Variants in LDB2 observed in about 807,000 individuals in gnomAD.
The protein encoded by LDB2 is LIM domain binding 2, also known as LIM domain-binding protein 2.
LDB2 carries 12 observed loss-of-function variants against 44.3 expected under a neutral mutation model. That is an observed-to-expected ratio of 0.27 (90% CI 0.17 to 0.44). LDB2 has a LOEUF of 0.44. LDB2 is among the 20% of genes least tolerant of loss of function. The pLI is 1.00. For synonymous variants in LDB2, 164 were observed against 174.8 expected, an observed-to-expected ratio of 0.94 and a Z score of 0.49; for missense variants, 344 against 473.5, an observed-to-expected ratio of 0.73 and a Z score of 2.54.
intron 1 of LDB2, among the ~76,000 whole-genome samples, chr4:16,803,088 C>T (rs1017248115): frequency 2.0e-5 from 3 of 152,156 alleles, no homozygotes; most frequent in Non-Finnish European, 4.4e-5. Flanking sequence ...TAATATTCTA[C>T]TGTAAAGACC....
chr4:16,723,579 C>T (rs1217025826), intron 2 of LDB2, among the ~76,000 whole-genome samples: 2 of 152,132 alleles, frequency 1.3e-5, no homozygotes, highest in Admixed American at 1.3e-4. Flanking sequence ...CTTCCTTGCC[C>T]TGCCACACAT....
intron 2 of LDB2, among the ~76,000 whole-genome samples, chr4:16,650,961 A>G (rs549628716): frequency 3.3e-4 from 50 of 152,364 alleles, no homozygotes; most frequent in Admixed American, 6.5e-4. Context: ...TCTATGGGTT[A>G]TCATGTGTGG....
At position 16,769,603 on chromosome 4, in the gene LDB2, A is replaced by AT. The variant is rs58284488; in HGVS notation, c.133-10344dup. Among the ~76,000 whole-genome samples the AT allele has an allele frequency of 9.6e-3, 1,319 of 136,884 alleles. 7 individuals carry two copies. The highest frequency in any genetic ancestry group is 0.024 in the Middle Eastern group (6 of 248). 89.8% of individuals were successfully genotyped at this position (136,884 alleles called of 152,430 possible). A position where few individuals can be genotyped will look rare whatever the true frequency, so the allele number is the denominator to read the frequency against. Reference sequence around the variant, plus strand: ...GAGCCACTGTGCCCAGCCCTATGGGATTTTTTTTTTTTTTTTCTTAAACAA... The same window carrying AT: ...GAGCCACTGTGCCCAGCCCTATGGGATTTTTTTTTTTTTTTTTCTTAAACAA... On this transcript the variant is annotated intron_variant, in intron 1 of 7. Coordinates refer to ENST00000304523, the MANE Select transcript of LDB2 (RefSeq NM_001290.5).
At chr4:16,808,153 G>A (rs1232751529) in intron 1 of LDB2, among the ~76,000 whole-genome samples, 1 of 152,136 alleles carries the variant, frequency 6.6e-6, no homozygotes, top group Non-Finnish European at 1.5e-5. Context: ...TAATCTTACA[G>A]TGGACGTCTC....
chr4:16,638,421 T>C (rs374281971), intron 2 of LDB2, among the ~76,000 whole-genome samples: 2 of 152,282 alleles, frequency 1.3e-5, no homozygotes, highest in African/African-American at 4.8e-5. Context: ...AACGTACGAA[T>C]AGAGCTTAGA....
chr4:16,742,916 C>A (rs554736914), intron 2 of LDB2, among the ~76,000 whole-genome samples: 1 of 152,292 alleles, frequency 6.6e-6, no homozygotes, highest in African/African-American at 2.4e-5. Flanking sequence ...TACTCATTGC[C>A]TCTGCCATGC....
At chr4:16,525,243 G>A (rs908664248) in intron 5 of LDB2, among the ~76,000 whole-genome samples, 1 of 152,186 alleles carries the variant, frequency 6.6e-6, no homozygotes, top group African/African-American at 2.4e-5. Flanking sequence ...ATCAGTGTGG[G>A]GATGTGGTCT....
chr4:16,654,091 T>C (rs962495740), intron 2 of LDB2, among the ~76,000 whole-genome samples: 2 of 152,188 alleles, frequency 1.3e-5, no homozygotes, highest in African/African-American at 2.4e-5. Flanking sequence ...ACAAGTTATA[T>C]TACCAAGGTC....
intron 2 of LDB2, among the ~76,000 whole-genome samples, chr4:16,738,074 T>C (rs1292748972): frequency 6.6e-6 from 1 of 152,196 alleles, no homozygotes; most frequent in African/African-American, 2.4e-5. Context: ...ACATTCTGTT[T>C]AGTAAATAAA....
intron 5 of LDB2, among the ~76,000 whole-genome samples, chr4:16,524,969 C>T (rs111729517): frequency 1.6e-3 from 241 of 152,324 alleles, no homozygotes; most frequent in African/African-American, 5.3e-3. Context: ...TATTTAAACA[C>T]TAACATTTAT....
intron 1 of LDB2, among the ~76,000 whole-genome samples, chr4:16,877,130 G>C (rs1256623232): frequency 1.3e-5 from 2 of 152,182 alleles, no homozygotes; most frequent in Admixed American, 1.3e-4. Flanking sequence ...ACTGGCAAGA[G>C]AGACAGGCCA....
intron 1 of LDB2, among the ~76,000 whole-genome samples, chr4:16,764,167 C>A (rs1244168482): frequency 6.6e-6 from 1 of 151,998 alleles, no homozygotes; most frequent in African/African-American, 2.4e-5. Context: ...GGTTGAAGAC[C>A]AAAAATGCTT....
intron 4 of LDB2, among the ~76,000 whole-genome samples, chr4:16,587,211 G>A (rs1047968147): frequency 5.3e-5 from 8 of 152,272 alleles, no homozygotes; most frequent in Non-Finnish European, 7.4e-5. Context: ...TGTGGCTACC[G>A]GTGATGATGA....
At chr4:16,555,605 C>T (rs1359497895) in intron 5 of LDB2, among the ~76,000 whole-genome samples, 1 of 152,166 alleles carries the variant, frequency 6.6e-6, no homozygotes, top group Non-Finnish European at 1.5e-5. Context: ...TACCCTTTCT[C>T]TCCTTTCTTG....
chr4:16,798,910 G>C (rs533914415), intron 1 of LDB2, among the ~76,000 whole-genome samples: 3 of 152,244 alleles, frequency 2.0e-5, no homozygotes, highest in South Asian at 4.1e-4. Flanking sequence ...GAGTGCAGTG[G>C]CGCGATCTTG....
intron 5 of LDB2, among the ~76,000 whole-genome samples, chr4:16,546,598 C>A (rs1735846780): frequency 6.6e-6 from 1 of 152,172 alleles, no homozygotes; most frequent in Non-Finnish European, 1.5e-5. Flanking sequence ...CATGGTATGA[C>A]AGCACTGGCC....
At chr4:16,654,450 T>C (rs10939682) in intron 2 of LDB2, among the ~76,000 whole-genome samples, 86,033 of 151,972 alleles carry the variant, frequency 0.57, 24,736 homozygotes, top group Middle Eastern at 0.68. Flanking sequence ...CCCATCCTTA[T>C]GGAGTTGAGT....
At chr4:16,898,203 A>C in intron 1 of LDB2, 151 bp downstream of exon 1, 2 of 696,174 alleles carry the variant, frequency 2.9e-6, no homozygotes, top group South Asian at 2.4e-5. Flanking sequence ...CCCAGCGTCC[A>C]AACTCGTGGA....
At chr4:16,897,952 A>ATACACATATG (rs1725775373) in intron 1 of LDB2, among the ~76,000 whole-genome samples, 1 of 72,384 alleles carries the variant, frequency 1.4e-5, no homozygotes, top group Non-Finnish European at 3.0e-5. Flanking sequence ...ATATGTATAT[A>ATACACATATG]TATATATATA....
Sources: allele counts gnomAD v4.1 joint callset (sites outside exome capture counted in the v4.1 genomes callset), GRCh38; gene constraint gnomAD v4.1.1; transcripts MANE v1.5; gene names NCBI Gene and HGNC (gene_info 2026-07-23, HGNC 2026-07-21).